PCDH15: variants seen among roughly 807,000 people sequenced by gnomAD.
PCDH15 encodes the protein protocadherin related 15, also known as protocadherin-15.
PCDH15 carries 129 observed loss-of-function variants against 178.5 expected under a neutral mutation model. That is an observed-to-expected ratio of 0.72 (90% confidence interval 0.63 to 0.84). The LOEUF (loss-of-function observed/expected upper bound fraction) is 0.84. Among genes scored for constraint, PCDH15 ranks in the 40% least tolerant of loss-of-function variants. The probability of loss-of-function intolerance (pLI) is 0.00; values close to 1 mark genes in which losing one functional copy is unlikely to be tolerated. For synonymous variants in PCDH15, 800 were observed against 732.0 expected (o/e 1.09, Z -1.50); for missense variants, 2,230 against 2,099.9 (o/e 1.06, Z -1.21).
At chr10:55,264,789 G>T (rs1044853347) in intron 1 of PCDH15, among the ~76,000 whole-genome samples, 4 of 152,140 alleles carry the variant, frequency 2.6e-5, no homozygotes, top group African/African-American at 4.8e-5. Flanking sequence ...GCAAGGAATT[G>T]CTTGGCCTCA....
chr10:54,565,837 C>A (rs1412782404), intron 2 of PCDH15, among the ~76,000 whole-genome samples: 1 of 152,150 alleles, frequency 6.6e-6, no homozygotes, highest in East Asian at 1.9e-4. Flanking sequence ...GTAATCCCAG[C>A]ACTTTGGGAG....
At chr10:54,314,884 T>C (rs1330544671) in intron 8 of PCDH15, among the ~76,000 whole-genome samples, 1 of 152,206 alleles carries the variant, frequency 6.6e-6, no homozygotes, top group Non-Finnish European at 1.5e-5. Flanking sequence ...TTTTTATAGC[T>C]GTATAGTATT....
At chr10:54,753,404 G>C (rs532589270) in intron 1 of PCDH15, among the ~76,000 whole-genome samples, 1 of 151,850 alleles carries the variant, frequency 6.6e-6, no homozygotes, top group East Asian at 1.9e-4. Flanking sequence ...GGCTGGTCTC[G>C]AACTCCTGAC....
At chr10:55,566,255 C>T (rs1468638353) in intron 2 of PCDH15, among the ~76,000 whole-genome samples, 1 of 151,340 alleles carries the variant, frequency 6.6e-6, no homozygotes, top group Admixed American at 6.6e-5. Context: ...AAATTTTATA[C>T]CCTTTCGTGA....
In PCDH15 at chr10:55,233,890, C is replaced by A. The variant is rs145923466; in HGVS notation, c.-155-67239G>T. ...ATACTGTTATCCACAATGAGACCACCCCCAAAAATGATTGTGACAAAATGA... is the reference window on the plus strand; with the variant it reads ...ATACTGTTATCCACAATGAGACCACACCCAAAAATGATTGTGACAAAATGA... On this transcript the variant is annotated intron_variant, in intron 1 of 5. Coordinates refer to the PCDH15 transcript ENST00000458638. 7.9e-4 allele frequency among the ~76,000 whole-genome samples: 120 copies of A among 151,940 alleles called. 2 individuals are homozygous for A. The highest frequency in any genetic ancestry group is 3.4e-3 in the Middle Eastern group (1 of 294).
chr10:55,122,475 C>A (rs1044094549), intron 2 of PCDH15, among the ~76,000 whole-genome samples: 2 of 151,680 alleles, frequency 1.3e-5, no homozygotes, highest in Non-Finnish European at 2.9e-5. Flanking sequence ...CAAAGACTTG[C>A]TAAGTTTAAA....
intron 3 of PCDH15, among the ~76,000 whole-genome samples, chr10:54,846,929 G>A (rs973148047): frequency 6.6e-6 from 1 of 152,136 alleles, no homozygotes; most frequent in African/African-American, 2.4e-5. Context: ...TATAATGCAC[G>A]TGTTGTACAT....
chr10:54,102,307 G>A (rs993408395), intron 15 of PCDH15, among the ~76,000 whole-genome samples: 2 of 152,230 alleles, frequency 1.3e-5, no homozygotes, highest in African/African-American at 2.4e-5. Flanking sequence ...CAGTGGCTGA[G>A]AAGTCTGATG....
chr10:54,524,474 T>C (rs1318312213), intron 3 of PCDH15, among the ~76,000 whole-genome samples: 1 of 152,178 alleles, frequency 6.6e-6, no homozygotes, highest in Non-Finnish European at 1.5e-5. Flanking sequence ...TTAATGTCAA[T>C]CTATAGTTGC....
intron 3 of PCDH15, among the ~76,000 whole-genome samples, chr10:54,467,335 T>A (rs2077585841): frequency 6.6e-6 from 1 of 151,860 alleles, no homozygotes; most frequent in African/African-American, 2.4e-5. Flanking sequence ...GTTCATCCTA[T>A]GCCTAATTTG....
chr10:54,680,480 G>A (rs911903165), intron 1 of PCDH15, among the ~76,000 whole-genome samples: 1 of 151,968 alleles, frequency 6.6e-6, no homozygotes, highest in African/African-American at 2.4e-5. Context: ...AAGAAAAGAA[G>A]AAATAATACA....
chr10:55,077,108 T>TA (rs1293591958), intron 2 of PCDH15, among the ~76,000 whole-genome samples: 2 of 151,754 alleles, frequency 1.3e-5, no homozygotes, highest in Non-Finnish European at 2.9e-5. Context: ...ACTCCTTTTT[T>TA]TTTTTGGTTT....
chr10:54,140,156 G>T (rs1472002864), intron 14 of PCDH15, among the ~76,000 whole-genome samples: 1 of 151,982 alleles, frequency 6.6e-6, no homozygotes, highest in Non-Finnish European at 1.5e-5. Context: ...CTTAATGAAT[G>T]TAAAATATAA....
At chr10:54,544,743 G>T (rs896213468) in intron 2 of PCDH15, among the ~76,000 whole-genome samples, 5 of 152,052 alleles carry the variant, frequency 3.3e-5, no homozygotes, top group African/African-American at 1.2e-4. Context: ...ACACGCAATG[G>T]TTTTCTCTAC....
chr10:54,034,089 C>T (rs1284688525), intron 18 of PCDH15, among the ~76,000 whole-genome samples: 2 of 151,830 alleles, frequency 1.3e-5, no homozygotes, highest in Middle Eastern at 3.2e-3. Context: ...AAATTCTATA[C>T]AATTAAATTT....
chr10:53,972,080 C>T (rs901677944), intron 21 of PCDH15, among the ~76,000 whole-genome samples: 1 of 152,024 alleles, frequency 6.6e-6, no homozygotes, highest in African/African-American at 2.4e-5. Flanking sequence ...ATACTGGTAC[C>T]AAAACAGAGA....
intron 2 of PCDH15, among the ~76,000 whole-genome samples, chr10:55,426,199 C>T (rs1838749995): frequency 6.6e-6 from 1 of 151,972 alleles, no homozygotes; most frequent in African/African-American, 2.4e-5. Context: ...CAGGACTTAA[C>T]GAAGCAGGAT....
intron 2 of PCDH15, among the ~76,000 whole-genome samples, chr10:55,359,718 G>T (rs1845176895): frequency 1.1e-5 from 1 of 92,370 alleles, no homozygotes; most frequent in East Asian, 2.7e-4. Context: ...AGAAAATGTG[G>T]TGTATATATA....
At chr10:54,624,202 A>C (rs911553260) in intron 2 of PCDH15, among the ~76,000 whole-genome samples, 1 of 152,170 alleles carries the variant, frequency 6.6e-6, no homozygotes, top group African/African-American at 2.4e-5. Context: ...GAAATAAATA[A>C]ATAAATTATA....
Sources: allele counts gnomAD v4.1 joint callset (sites outside exome capture counted in the v4.1 genomes callset), GRCh38; gene constraint gnomAD v4.1.1; transcripts MANE v1.5; gene names NCBI Gene and HGNC (gene_info 2026-07-23, HGNC 2026-07-21).